Variants in SNAP29 observed in about 807,000 individuals in gnomAD.
SNAP29 encodes the protein synaptosome associated protein 29, also known as synaptosomal-associated protein 29.
A neutral mutation model predicts 27.9 loss-of-function variants in SNAP29; 13 were observed. That is an observed-to-expected ratio of 0.47 (90% CI 0.30 to 0.74). SNAP29 has a LOEUF of 0.74. Among genes scored for constraint, SNAP29 ranks in the 30% least tolerant of loss-of-function variants. SNAP29 has a pLI of 0.06. For missense variants in SNAP29, 368 were observed against 336.5 expected, an observed-to-expected ratio of 1.09 and a Z score of -0.73; for synonymous variants, 119 against 127.1, an observed-to-expected ratio of 0.94 and a Z score of 0.43.
At chr22:20,862,081 A>G (rs1928338596) in intron 1 of SNAP29, among the ~76,000 whole-genome samples, 4 of 152,178 alleles carry the variant, frequency 2.6e-5, no homozygotes, top group Admixed American at 2.6e-4. Flanking sequence ...TAACCTTGTT[A>G]GGGAGGTTTT....
intron 4 of SNAP29, among the ~76,000 whole-genome samples, chr22:20,886,584 C>A (rs898739486): frequency 9.2e-5 from 14 of 151,774 alleles, no homozygotes; most frequent in Non-Finnish European, 1.6e-4. Flanking sequence ...GCTGGGATTA[C>A]AGGCATGAGC....
At chr22:20,887,566 T>G (rs165877) in intron 4 of SNAP29, 113 bp from the exon 5 acceptor site, 1 of 1,098,052 alleles carries the variant, frequency 9.1e-7, no homozygotes, top group Non-Finnish European at 1.4e-6. Flanking sequence ...GTGGGTGCAG[T>G]CCCCCCAGGC....
chr22:20,876,884 GT>G (rs935163459), intron 2 of SNAP29, among the ~76,000 whole-genome samples: 2 of 152,124 alleles, frequency 1.3e-5, no homozygotes, highest in African/African-American at 4.8e-5. Context: ...TGCATTTCCT[GT>G]GTACATCATT....
rs1929087396 is a variant in SNAP29 at position 20,888,867 on chromosome 22, C to T, written c.*1031C>T. 1 of 152,210 alleles carries T rather than the reference C, an allele frequency of 6.6e-6. No individual in the cohort carries two copies. Among genetic ancestry groups the T allele is most frequent in the African/African-American group, 2.4e-5 (1 of 41,452 alleles). The allele number at this position is 152,210 out of a possible 1,614,324, so 9.4% of individuals were successfully genotyped here. A position where few individuals can be genotyped will look rare whatever the true frequency, so the allele number is the denominator to read the frequency against. On this transcript the variant is annotated 3_prime_UTR_variant, in exon 5 of 5. Coordinates refer to ENST00000215730, the MANE Select transcript of SNAP29 (RefSeq NM_004782.4). ...GAATCATCACTTATTTCTCTGCCAC[C>T]TGGTTTTAGGACTGGCACTCTATAA...
chr22:20,884,440 T>C (rs1484968482), intron 4 of SNAP29, among the ~76,000 whole-genome samples: 1 of 152,158 alleles, frequency 6.6e-6, no homozygotes, highest in Non-Finnish European at 1.5e-5. Context: ...CCTAGTCCCT[T>C]CTGCCCTCAT....
At chr22:20,874,352 CACACACACACACACACACACA>C (rs1928683308) in intron 2 of SNAP29, among the ~76,000 whole-genome samples, 4 of 53,686 alleles carry the variant, frequency 7.5e-5, no homozygotes, top group African/African-American at 1.3e-4. Context: ...AAATTAGCCA[CACACACACACACACACACACA>C]CACACACACA....
chr22:20,878,393 T>TAAAATACAAAAACCCTGTACTA (rs1928799690), intron 2 of SNAP29, among the ~76,000 whole-genome samples: 1 of 151,734 alleles, frequency 6.6e-6, no homozygotes, highest in Non-Finnish European at 1.5e-5. Flanking sequence ...AAATACAAAA[T>TAAAATACAAAAACCCTGTACTA]AAAATACAAA....
chr22:20,879,938 C>T (rs557474659), intron 2 of SNAP29, among the ~76,000 whole-genome samples: 7 of 151,054 alleles, frequency 4.6e-5, no homozygotes, highest in East Asian at 1.9e-4. Context: ...GGGAGGATCA[C>T]GAGCCTAGGA....
chr22:20,868,284 A>G (rs1424094719), intron 1 of SNAP29, among the ~76,000 whole-genome samples: 3 of 152,204 alleles, frequency 2.0e-5, no homozygotes, highest in African/African-American at 4.8e-5. Context: ...TTTTACTTAA[A>G]AAAGGCTGAT....
rs2147872314 is a variant in SNAP29 at position 20,883,452 on chromosome 22, T to G, written c.521-19T>G. On this transcript the variant is annotated intron_variant, in intron 3 of 4. Coordinates refer to ENST00000215730, the MANE Select transcript of SNAP29 (RefSeq NM_004782.4). ...GAATGTCAATTAACCGCTCTCCTGGTGTTTCCTTCTAAACTTAGACCCTGT... is the reference window on the plus strand; with the variant it reads ...GAATGTCAATTAACCGCTCTCCTGGGGTTTCCTTCTAAACTTAGACCCTGT... The G allele has an allele frequency of 6.8e-7, 1 of 1,480,560 alleles. No individual in the cohort carries two copies. Among genetic ancestry groups the G allele is most frequent in the South Asian group, 1.1e-5 (1 of 88,274 alleles). 91.7% of individuals were successfully genotyped at this position (1,480,560 alleles called of 1,614,324 possible). A position where few individuals can be genotyped will look rare whatever the true frequency, so the allele number is the denominator to read the frequency against.
rs1339037462 is a variant in SNAP29, at chr22:20,859,220, C to T, written c.110C>T (p.Ala37Val). ...DARDLPDGPD[A>V]PADRQQYLRQ... ...CGAGACCTCCCCGACGGGCCCGACGCGCCCGCGGACAGGCAGCAGTACTTG... is the reference window on the plus strand; with the variant it reads ...CGAGACCTCCCCGACGGGCCCGACGTGCCCGCGGACAGGCAGCAGTACTTG... Residue 37 changes from alanine (A) to valine (V), a missense_variant, in exon 1 of 5, where the codon GCG (alanine) becomes GTG (valine). Physicochemically the swap from Ala to Val is moderately conservative, Grantham distance 64. Transcript: ENST00000215730. 2 of 1,604,280 alleles carry T rather than the reference C, an allele frequency of 1.2e-6. No homozygotes were observed. Among genetic ancestry groups the T allele is most frequent in the South Asian group, 2.2e-5 (2 of 89,836 alleles).
chr22:20,884,103 C>T (rs895837107), intron 4 of SNAP29, among the ~76,000 whole-genome samples: 12 of 152,062 alleles, frequency 7.9e-5, no homozygotes, highest in Admixed American at 3.9e-4. Context: ...GAGGCCAAGG[C>T]GGGTGGATCA....
Position 20,888,271 on chromosome 22 carries a change from G to C in SNAP29, c.*435G>C, listed in dbSNP as rs974803237. 2 of 291,274 alleles carry C rather than the reference G, an allele frequency of 6.9e-6. No homozygotes were observed. Among genetic ancestry groups the C allele is most frequent in the Non-Finnish European group, 1.3e-5 (2 of 152,328 alleles). The allele number at this position is 291,274 out of a possible 1,614,324, so 18.0% of individuals were successfully genotyped here. On this transcript the variant is annotated 3_prime_UTR_variant, in exon 5 of 5. Transcript: ENST00000215730. ...GGGCCTGTGAACCAGTCGTTTGGTG[G>C]AGGAGGGTCCTTCCCACACCTTTGT... is the stretch of plus-strand genomic sequence containing the variant.
intron 1 of SNAP29, among the ~76,000 whole-genome samples, chr22:20,867,593 C>T (rs1322644267): frequency 1.3e-5 from 2 of 152,188 alleles, no homozygotes; most frequent in African/African-American, 4.8e-5. Flanking sequence ...GCCTCATGAC[C>T]TCTGGTGAAC....
rs114198036 is a variant in SNAP29, at chr22:20,859,749, C to T, written c.237+402C>T. 472 of 257,782 alleles carry T rather than the reference C, an allele frequency of 1.8e-3. 1 individual carries two copies. The highest frequency in any genetic ancestry group is 0.01 in the African/African-American group (451 of 43,728). The allele number at this position is 257,782 out of a possible 1,614,324, so 16.0% of individuals were successfully genotyped here. A position where few individuals can be genotyped will look rare whatever the true frequency, so the allele number is the denominator to read the frequency against. On this transcript the variant is annotated intron_variant, in intron 1 of 4. Transcript: ENST00000215730. ...GGCACAGGGTTTTGGCCATTCCTTCCGGAGTGAGCCAGAAAGAGAGGACTA... is the reference window on the plus strand; with the variant it reads ...GGCACAGGGTTTTGGCCATTCCTTCTGGAGTGAGCCAGAAAGAGAGGACTA...
chr22:20,888,450 C>A lies in SNAP29; in HGVS notation c.*614C>A. The A allele has an allele frequency of 6.1e-6, 1 of 164,940 alleles. No individual in the cohort carries two copies. Among genetic ancestry groups the A allele is most frequent in the Non-Finnish European group, 1.3e-5 (1 of 75,774 alleles). 10.2% of individuals were successfully genotyped at this position (164,940 alleles called of 1,614,324 possible). A position where few individuals can be genotyped will look rare whatever the true frequency, so the allele number is the denominator to read the frequency against. On this transcript the variant is annotated 3_prime_UTR_variant, in exon 5 of 5. Coordinates refer to ENST00000215730, the MANE Select transcript of SNAP29 (RefSeq NM_004782.4). ...GTGTGCCATCTTGCTCTTTTGTTGG[C>A]AGATGTCCCCGCTTCCCTCCAGCCC... is the stretch of plus-strand genomic sequence containing the variant.
intron 2 of SNAP29, among the ~76,000 whole-genome samples, chr22:20,880,463 G>T (rs967467981): frequency 6.7e-6 from 1 of 150,110 alleles, no homozygotes; most frequent in African/African-American, 2.5e-5. Flanking sequence ...CCAAGATCAC[G>T]CCACTGCACT....
At chr22:20,871,415 A>G (rs1216607874) in intron 2 of SNAP29, among the ~76,000 whole-genome samples, 2 of 146,056 alleles carry the variant, frequency 1.4e-5, no homozygotes, top group Non-Finnish European at 3.0e-5. Flanking sequence ...CCCAGGTGTT[A>G]GAGACTAGAG....
intron 3 of SNAP29, among the ~76,000 whole-genome samples, chr22:20,882,881 T>A (rs1479960156): frequency 1.3e-5 from 2 of 152,184 alleles, no homozygotes; most frequent in Non-Finnish European, 2.9e-5. Flanking sequence ...TGACAGGGCT[T>A]TTCCGTGTGC....
Sources: allele counts gnomAD v4.1 joint callset (sites outside exome capture counted in the v4.1 genomes callset), GRCh38; gene constraint gnomAD v4.1.1; transcripts MANE v1.5; gene names NCBI Gene and HGNC (gene_info 2026-07-23, HGNC 2026-07-21).